Variants in CHST11 observed in about 807,000 individuals in gnomAD.
CHST11 encodes the protein C4S-1.
Under a neutral mutation model 30.4 loss-of-function variants are expected in CHST11, and 9 were observed. The observed-to-expected ratio is 0.30, with a 90% CI of 0.18 to 0.52. CHST11 has a LOEUF of 0.52. Among genes scored for constraint, CHST11 ranks in the 20% least tolerant of loss-of-function variants. The pLI, the probability that CHST11 is intolerant of heterozygous loss-of-function variation, is 0.97. For missense variants in CHST11, 348 were observed against 460.6 expected (o/e 0.76, Z 2.24); for synonymous variants, 152 against 187.8 (o/e 0.81, Z 1.56).
At chr12:104,556,787 C>G (rs1209960588) in intron 1 of CHST11, among the ~76,000 whole-genome samples, 1 of 152,262 alleles carries the variant, frequency 6.6e-6, no homozygotes, top group Non-Finnish European at 1.5e-5. Context: ...TCGAGACCAG[C>G]CTGGCCAACA....
At chr12:104,673,999 C>T (rs2039718447) in intron 2 of CHST11, among the ~76,000 whole-genome samples, 1 of 152,216 alleles carries the variant, frequency 6.6e-6, no homozygotes, top group African/African-American at 2.4e-5. Flanking sequence ...GTCAGCTCTC[C>T]CGGCCTCTGT....
chr12:104,742,592 T>C (rs2040356031), intron 2 of CHST11, among the ~76,000 whole-genome samples: 1 of 152,192 alleles, frequency 6.6e-6, no homozygotes, highest in Non-Finnish European at 1.5e-5. Context: ...GCAGGCCAGC[T>C]TGGCAGCAGC....
At chr12:104,702,643 C>T (rs376508398) in intron 2 of CHST11, among the ~76,000 whole-genome samples, 4 of 152,176 alleles carry the variant, frequency 2.6e-5, no homozygotes, top group African/African-American at 9.7e-5. Context: ...GGTTGAGCGA[C>T]TCCCCCGCAC....
intron 1 of CHST11, among the ~76,000 whole-genome samples, chr12:104,488,483 G>T (rs918453964): frequency 3.3e-5 from 5 of 151,856 alleles, no homozygotes; most frequent in African/African-American, 1.2e-4. Flanking sequence ...GCATGTGTAT[G>T]AGTGTGTGTA....
At chr12:104,457,570 C>T (rs1188312109) in intron 1 of CHST11, 41 bp downstream of exon 1, 1 of 1,351,104 alleles carries the variant, frequency 7.4e-7, no homozygotes, top group Non-Finnish European at 1.1e-6. Context: ...ATATTTTCTT[C>T]TCTCTCGCGC....
rs190585949 is a variant in CHST11, at chr12:104,518,741, C to T, written c.118+61212C>T. Among the ~76,000 whole-genome samples, 318 of 152,268 alleles carry T rather than the reference C, an allele frequency of 2.1e-3. 3 individuals are homozygous for T. The highest frequency in any genetic ancestry group is 7.1e-3 in the African/African-American group (294 of 41,554). On this transcript the variant is annotated intron_variant, in intron 1 of 2. Transcript: ENST00000303694. The stretch of plus-strand genomic sequence containing the variant: ...CATTTTCTACAAAATAGTCAACATG[C>T]AGTCTTCCAAGCTGCATAATGAATA...
At chr12:104,624,008 C>T (rs1009672371) in intron 2 of CHST11, among the ~76,000 whole-genome samples, 2 of 152,180 alleles carry the variant, frequency 1.3e-5, no homozygotes, top group Non-Finnish European at 2.9e-5. Context: ...ACACAGCACT[C>T]GTTCTCAGTG....
In CHST11 at chr12:104,488,531, A is replaced by G. The variant is rs181537992; in HGVS notation, c.118+31002A>G. Among the ~76,000 whole-genome samples, 254 of 141,364 alleles carry G rather than the reference A, an allele frequency of 1.8e-3. 1 individual carries two copies. Among genetic ancestry groups the G allele is most frequent in the Non-Finnish European group, 2.5e-3 (162 of 64,936 alleles). The allele number at this position is 141,364 out of a possible 152,430, so 92.7% of individuals were successfully genotyped here. A position where few individuals can be genotyped will look rare whatever the true frequency, so the allele number is the denominator to read the frequency against. ...TATATGTGTGTGTATCTCTGTGTGT[A>G]TATGTGTGTATGTGTGCGTGTATGT... On this transcript the variant is annotated intron_variant, in intron 1 of 2. Transcript: ENST00000303694.
intron 1 of CHST11, among the ~76,000 whole-genome samples, chr12:104,599,384 C>T (rs751715576): frequency 2.0e-5 from 3 of 152,226 alleles, no homozygotes; most frequent in Non-Finnish European, 2.9e-5. Flanking sequence ...CCATGGGCCT[C>T]GATGAGCCCG....
At chr12:104,549,802 G>A (rs2038388002) in intron 1 of CHST11, among the ~76,000 whole-genome samples, 1 of 152,162 alleles carries the variant, frequency 6.6e-6, no homozygotes, top group African/African-American at 2.4e-5. Context: ...AGCTACTCGG[G>A]AGGCTGAGGT....
At chr12:104,755,680 G>A (rs2040469170) in intron 2 of CHST11, among the ~76,000 whole-genome samples, 1 of 152,198 alleles carries the variant, frequency 6.6e-6, no homozygotes, top group African/African-American at 2.4e-5. Flanking sequence ...CAGCTACTCG[G>A]GGGGCTGAGG....
At chr12:104,681,763 G>A (rs1006709811) in intron 2 of CHST11, among the ~76,000 whole-genome samples, 2 of 144,746 alleles carry the variant, frequency 1.4e-5, no homozygotes, top group Non-Finnish European at 3.0e-5. Context: ...ATTGAAGTCT[G>A]TTTTTCAGTC....
At chr12:104,615,135 T>C (rs1490718494) in intron 2 of CHST11, among the ~76,000 whole-genome samples, 3 of 152,188 alleles carry the variant, frequency 2.0e-5, no homozygotes, top group Non-Finnish European at 4.4e-5. Flanking sequence ...CTGACCGTCC[T>C]TGGAATGTGC....
At chr12:104,664,475 G>A (rs2039624872) in intron 2 of CHST11, among the ~76,000 whole-genome samples, 1 of 152,166 alleles carries the variant, frequency 6.6e-6, no homozygotes, top group South Asian at 2.1e-4. Flanking sequence ...ATTTTTGCCA[G>A]TAAAATATAA....
intron 1 of CHST11, among the ~76,000 whole-genome samples, chr12:104,486,894 A>C (rs1213670371): frequency 6.6e-6 from 1 of 152,220 alleles, no homozygotes; most frequent in Admixed American, 6.5e-5. Context: ...TTTGTTACAC[A>C]AATACATAAT....
intron 2 of CHST11, among the ~76,000 whole-genome samples, chr12:104,630,758 ATC>A (rs2039262678): frequency 6.6e-6 from 1 of 152,238 alleles, no homozygotes; most frequent in Non-Finnish European, 1.5e-5. Flanking sequence ...TCATGGCCTC[ATC>A]TCTCTGGAAA....
chr12:104,670,270 C>T (rs1240975197), intron 2 of CHST11, among the ~76,000 whole-genome samples: 2 of 152,154 alleles, frequency 1.3e-5, no homozygotes, highest in African/African-American at 4.8e-5. Flanking sequence ...TGTAGCAGAG[C>T]GAGTCCTCAA....
At chr12:104,492,539 A>T (rs2037757246) in intron 1 of CHST11, among the ~76,000 whole-genome samples, 1 of 152,188 alleles carries the variant, frequency 6.6e-6, no homozygotes, top group South Asian at 2.1e-4. Flanking sequence ...CTCTAAAGTA[A>T]AATCTTAGTA....
intron 2 of CHST11, among the ~76,000 whole-genome samples, chr12:104,742,523 G>A (rs1418802189): frequency 6.6e-6 from 1 of 152,212 alleles, no homozygotes; most frequent in African/African-American, 2.4e-5. Flanking sequence ...CCCAAGCAGT[G>A]TGGGAGCTGC....
Sources: allele counts gnomAD v4.1 joint callset (sites outside exome capture counted in the v4.1 genomes callset), GRCh38; gene constraint gnomAD v4.1.1; transcripts MANE v1.5; gene names NCBI Gene and HGNC (gene_info 2026-07-23, HGNC 2026-07-21).